The following IL17B variants were observed in gnomAD, a reference collection of about 807,000 sequenced individuals.
IL17B encodes the protein interleukin 17B, also known as interleukin-17B.
Under a neutral mutation model 14.7 loss-of-function variants are expected in IL17B, and 14 were observed. That is an observed-to-expected ratio of 0.95 (90% CI 0.63 to 1.49). IL17B has a LOEUF of 1.49. IL17B is among the 40% of genes most tolerant of loss of function. IL17B has a pLI of 0.00. For synonymous variants in IL17B, 105 were observed against 94.8 expected (o/e 1.11, Z -0.62); for missense variants, 233 against 252.8 (o/e 0.92, Z 0.53).
chr5:149,381,668 G>A (rs1758702024), upstream of IL17B, among the ~76,000 whole-genome samples: 1 of 152,232 alleles, frequency 6.6e-6, no homozygotes, highest in Non-Finnish European at 1.5e-5. Context: ...TGAGGAGTCA[G>A]GCATGGGCCC....
chr5:149,383,539 C>T (rs1233059980), upstream of IL17B, among the ~76,000 whole-genome samples: 1 of 152,182 alleles, frequency 6.6e-6, no homozygotes, highest in Non-Finnish European at 1.5e-5. Context: ...CCTGGCTCTC[C>T]TGCCATGCTG....
chr5:149,376,983 G>A lies in IL17B; in HGVS notation c.64C>T (p.Pro22Ser), dbSNP rs774960128. 7 of 1,594,466 alleles carry A rather than the reference G, an allele frequency of 4.4e-6. No homozygotes were observed. In the African/African-American group the frequency reaches 5.4e-5, roughly 12 times the overall value. ...TISIFLGLGQ[P>S]RSPKSKRKGQ... Reference sequence around the variant, plus strand: ...TTCCTCTTGCTTTTGGGGCTCCTGGGCTGGCCCAGCCCCAGGAAGATGGAA... The same window carrying A: ...TTCCTCTTGCTTTTGGGGCTCCTGGACTGGCCCAGCCCCAGGAAGATGGAA... The change falls in exon 2 of 3, where the codon CCC becomes TCC. Residue 22 changes from proline to serine, a missense_variant. Pro to Ser is a moderately conservative substitution (Grantham distance 74, BLOSUM62 -1). Coordinates refer to ENST00000261796, the MANE Select transcript of IL17B (RefSeq NM_014443.3).
upstream of IL17B, among the ~76,000 whole-genome samples, chr5:149,381,905 G>GGGGTCCTT (rs1271406429): frequency 3.3e-5 from 5 of 152,196 alleles, no homozygotes; most frequent in African/African-American, 1.2e-4. Context: ...GAGTGAGGCT[G>GGGGTCCTT]GGGTCCTTGG....
intron 1 of IL17B, among the ~76,000 whole-genome samples, chr5:149,392,971 C>CGT (rs1561716935): frequency 5.0e-5 from 3 of 60,182 alleles, no homozygotes; most frequent in African/African-American, 2.5e-4. Flanking sequence ...TGTGTGTGCG[C>CGT]GCGTGCGTGT....
At chr5:149,380,768 G>C (rs974346146), upstream of IL17B, among the ~76,000 whole-genome samples, 1 of 152,240 alleles carries the variant, frequency 6.6e-6, no homozygotes, top group East Asian at 1.9e-4. Context: ...CGTCCGAGGG[G>C]AAGAAGGCAG....
At chr5:149,398,661 C>T (rs188059214) in intron 1 of IL17B, among the ~76,000 whole-genome samples, 2 of 152,326 alleles carry the variant, frequency 1.3e-5, no homozygotes, top group Admixed American at 6.5e-5. Context: ...AATCCCAGCA[C>T]TTTGGGAGGT....
At chr5:149,383,407 G>T (rs183466155), upstream of IL17B, among the ~76,000 whole-genome samples, 87 of 152,324 alleles carry the variant, frequency 5.7e-4, no homozygotes, top group Non-Finnish European at 9.7e-4. Context: ...AGGCCAGGGG[G>T]ACCTGAAGGA....
chr5:149,376,484 C>A (rs1758538872), intron 2 of IL17B, among the ~76,000 whole-genome samples: 1 of 152,224 alleles, frequency 6.6e-6, no homozygotes, highest in African/African-American at 2.4e-5. Flanking sequence ...ACAATGAGGG[C>A]AGTGCTCTGC....
intron 1 of IL17B, among the ~76,000 whole-genome samples, chr5:149,403,002 CAAAAAAAAAAAA>C (rs36121550): frequency 1.7e-5 from 1 of 60,580 alleles, no homozygotes; most frequent in Non-Finnish European, 3.0e-5. Flanking sequence ...GACTCCATCT[CAAAAAAAAAAAA>C]AAAAAAAAAA....
chr5:149,402,688 TTA>T (rs1561720400), intron 1 of IL17B, among the ~76,000 whole-genome samples: 24 of 118,472 alleles, frequency 2.0e-4, no homozygotes, highest in Admixed American at 3.9e-4. Context: ...TACCATGCTT[TTA>T]AAAAAAAAAA....
At chr5:149,399,052 G>A (rs11738792) in intron 1 of IL17B, among the ~76,000 whole-genome samples, 90,526 of 152,088 alleles carry the variant, frequency 0.6, 29,378 homozygotes, top group South Asian at 0.74. Context: ...CAGATCTCGC[G>A]AGACTCATTT....
chr5:149,403,045 C>T (rs1025970223), intron 1 of IL17B, among the ~76,000 whole-genome samples: 1 of 143,380 alleles, frequency 7.0e-6, no homozygotes, highest in Non-Finnish European at 1.5e-5. Flanking sequence ...AAGTTGTAGA[C>T]AGTTTTTTGT....
chr5:149,386,421 A>G (rs949229326), intron 1 of IL17B, among the ~76,000 whole-genome samples: 3 of 152,066 alleles, frequency 2.0e-5, no homozygotes, highest in Non-Finnish European at 4.4e-5. Flanking sequence ...CAAGGCCTCT[A>G]TCCTCATCCT....
intron 1 of IL17B, among the ~76,000 whole-genome samples, chr5:149,403,154 G>A (rs758634606): frequency 1.4e-4 from 21 of 151,796 alleles, no homozygotes; most frequent in African/African-American, 2.9e-4. Context: ...ATGCAATCTC[G>A]GCTTACTGTA....
At chr5:149,375,603 C>T (rs145766783) in intron 2 of IL17B, among the ~76,000 whole-genome samples, 18 of 152,276 alleles carry the variant, frequency 1.2e-4, no homozygotes, top group South Asian at 4.1e-4. Context: ...TCAAATTAAT[C>T]GGGCTGAGCA....
Position 149,402,087 on chromosome 5 carries a change from C to G in IL17B, n.95+2021G>C, listed in dbSNP as rs909001258. Among the ~76,000 whole-genome samples the G allele has an allele frequency of 1.1e-4, 17 of 152,338 alleles. No individual in the cohort carries two copies. The South Asian group carries it at 1.7e-3, about 15-fold the overall frequency. ...CCAGCTGCTCTCTACAGGGTTTTCA[C>G]TGCCTCCCTCTTACACACAGAGGGT... On this transcript the variant is annotated intron_variant and non_coding_transcript_variant, in intron 1 of 2. Transcript: ENST00000505432.
chr5:149,393,163 G>A (rs1268145554), intron 1 of IL17B, among the ~76,000 whole-genome samples: 1 of 152,162 alleles, frequency 6.6e-6, no homozygotes, highest in African/African-American at 2.4e-5. Flanking sequence ...CCCACCCAAT[G>A]TCACCCAGAA....
chr5:149,396,880 C>T (rs1361766493), intron 1 of IL17B, among the ~76,000 whole-genome samples: 3 of 152,190 alleles, frequency 2.0e-5, no homozygotes, highest in Non-Finnish European at 4.4e-5. Context: ...CTGAACTGGT[C>T]GAACTCTTCT....
At chr5:149,385,741 C>T (rs1040409084) in intron 1 of IL17B, among the ~76,000 whole-genome samples, 6 of 152,222 alleles carry the variant, frequency 3.9e-5, no homozygotes. Flanking sequence ...TGACTTTTCC[C>T]CCAAAGCTGT....
Sources: gnomAD v4.1 joint callset for allele counts (sites outside exome capture counted in the v4.1 genomes callset) on GRCh38, gnomAD v4.1.1 for gene constraint, MANE v1.5 for transcripts, NCBI Gene and HGNC (gene_info 2026-07-23, HGNC 2026-07-21) for gene names.